ACSF3: variants seen among roughly 807,000 people sequenced by gnomAD.
ACSF3 encodes malonate--CoA ligase ACSF3, mitochondrial.
ACSF3 carries 78 observed loss-of-function variants against 53.2 expected under a neutral mutation model. That is an observed-to-expected ratio of 1.47 (90% CI 1.22 to 1.77). ACSF3 has a LOEUF of 1.77. ACSF3 is among the 40% of genes most tolerant of loss of function. The probability of loss-of-function intolerance (pLI) is 0.00; values close to 1 mark genes in which losing one functional copy is unlikely to be tolerated. For missense variants in ACSF3, 937 were observed against 771.1 expected, an observed-to-expected ratio of 1.22 and a Z score of -2.55; for synonymous variants, 414 against 333.1, an observed-to-expected ratio of 1.24 and a Z score of -2.65.
chr16:89,097,160 G>C (rs1476038526), intron 1 of ACSF3, among the ~76,000 whole-genome samples: 1 of 152,366 alleles, frequency 6.6e-6, no homozygotes, highest in African/African-American at 2.4e-5. Flanking sequence ...TGTGCTCAGC[G>C]TGTGGTTAGC....
At chr16:89,154,021 T>C (rs1914431405) in intron 10 of ACSF3, 69 bp from the exon 11 acceptor site, 1 of 1,519,712 alleles carries the variant, frequency 6.6e-7, no homozygotes, top group African/African-American at 1.4e-5. Context: ...TCCGTACTGC[T>C]GGGCGCCTGA....
rs1015915676 is a variant in ACSF3 at position 89,155,088 on chromosome 16, T to A, written c.*881T>A. Reference sequence around the variant, plus strand: ...CCGATGCAGAAACCTCAGGAAGGTGTGTTGTGAATGTTGGGTGCACCCACG... The same window carrying A: ...CCGATGCAGAAACCTCAGGAAGGTGAGTTGTGAATGTTGGGTGCACCCACG... On this transcript the variant is annotated 3_prime_UTR_variant, in exon 11 of 11. Coordinates refer to ENST00000614302, the MANE Select transcript of ACSF3 (RefSeq NM_001243279.3). The A allele has an allele frequency of 2.2e-6, 1 of 453,848 alleles. No homozygotes were observed. The highest frequency in any genetic ancestry group is 4.4e-6 in the Non-Finnish European group (1 of 226,750). The allele number at this position is 453,848 out of a possible 1,614,324, so 28.1% of individuals were successfully genotyped here. A position where few individuals can be genotyped will look rare whatever the true frequency, so the allele number is the denominator to read the frequency against.
intron 8 of ACSF3, among the ~76,000 whole-genome samples, chr16:89,144,166 C>T (rs1912440627): frequency 6.6e-6 from 1 of 152,236 alleles, no homozygotes; most frequent in African/African-American, 2.4e-5. Context: ...GGAGTACAGG[C>T]TCTGAGGCTG....
intron 7 of ACSF3, among the ~76,000 whole-genome samples, chr16:89,132,742 G>T (rs574965376): frequency 6.6e-6 from 1 of 152,352 alleles, no homozygotes; most frequent in South Asian, 2.1e-4. Context: ...CGCCCCCGAA[G>T]ATGGGATTTG....
At chr16:89,147,860 A>C (rs1166280823) in intron 10 of ACSF3, 4 of 152,208 alleles carry the variant, frequency 2.6e-5, no homozygotes, top group Non-Finnish European at 5.9e-5. Context: ...CACTCATTTC[A>C]GCATTAATTC....
intron 8 of ACSF3, among the ~76,000 whole-genome samples, chr16:89,136,218 C>T (rs1190618226): frequency 2.0e-5 from 3 of 152,236 alleles, no homozygotes; most frequent in East Asian, 1.9e-4. Context: ...GGGCTGCGAG[C>T]GTGGAAACAC....
At chr16:89,148,500 G>T (rs974605531) in intron 10 of ACSF3, 3 of 152,188 alleles carry the variant, frequency 2.0e-5, no homozygotes, top group Admixed American at 6.5e-5. Flanking sequence ...GGGTATCTCT[G>T]CTCCTGTGGC....
chr16:89,148,525 C>A (rs1351314382), intron 10 of ACSF3: 1 of 152,078 alleles, frequency 6.6e-6, no homozygotes, highest in Non-Finnish European at 1.5e-5. Flanking sequence ...TAGGGTACAG[C>A]CCCCATGCTG....
intron 8 of ACSF3, among the ~76,000 whole-genome samples, chr16:89,139,272 C>G (rs1911255495): frequency 6.6e-6 from 1 of 152,184 alleles, no homozygotes; most frequent in Non-Finnish European, 1.5e-5. Context: ...GCCTCCTTCC[C>G]CATCACCACC....
At chr16:89,112,602 TTC>T (rs1358143227) in intron 5 of ACSF3, among the ~76,000 whole-genome samples, 3 of 152,142 alleles carry the variant, frequency 2.0e-5, no homozygotes, top group South Asian at 2.1e-4. Context: ...CATCTCTGTC[TTC>T]TCTCTGTCTC....
chr16:89,141,539 G>A (rs1450002865), intron 8 of ACSF3, among the ~76,000 whole-genome samples: 3 of 152,230 alleles, frequency 2.0e-5, no homozygotes, highest in African/African-American at 7.2e-5. Context: ...GAGGGCCCCG[G>A]CCTAGAGGGG....
intron 7 of ACSF3, among the ~76,000 whole-genome samples, chr16:89,125,068 G>A (rs1195506743): frequency 6.6e-6 from 1 of 152,174 alleles, no homozygotes; most frequent in African/African-American, 2.4e-5. Flanking sequence ...GTCTAGCCGG[G>A]CCTGGTGGCT....
At chr16:89,113,907 G>A (rs979992486) in intron 5 of ACSF3, 7 of 319,910 alleles carry the variant, frequency 2.2e-5, no homozygotes, top group African/African-American at 6.5e-5. Context: ...AAGCTGAGCC[G>A]GCTGTAGTCC....
intron 8 of ACSF3, among the ~76,000 whole-genome samples, chr16:89,144,750 C>A (rs1029765353): frequency 3.9e-5 from 6 of 152,298 alleles, no homozygotes; most frequent in Middle Eastern, 3.4e-3. Flanking sequence ...AGCCAGGAGG[C>A]CCAGCACACC....
chr16:89,115,385 T>C (rs945249118), intron 6 of ACSF3: 4 of 152,296 alleles, frequency 2.6e-5, no homozygotes, highest in Non-Finnish European at 5.9e-5. Flanking sequence ...GGTTTTGCTT[T>C]TTCTGGGAGG....
chr16:89,139,336 G>T (rs944152519), intron 8 of ACSF3, among the ~76,000 whole-genome samples: 1 of 152,136 alleles, frequency 6.6e-6, no homozygotes, highest in African/African-American at 2.4e-5. Flanking sequence ...CAGCATCCTC[G>T]TCTTCCCTCT....
chr16:89,116,670 G>A (rs947726854), intron 6 of ACSF3, among the ~76,000 whole-genome samples: 1 of 152,202 alleles, frequency 6.6e-6, no homozygotes, highest in African/African-American at 2.4e-5. Flanking sequence ...CAGGGCAGTG[G>A]GCGGGTGGGG....
chr16:89,116,205 C>T (rs1479033900), intron 6 of ACSF3, among the ~76,000 whole-genome samples: 1 of 152,226 alleles, frequency 6.6e-6, no homozygotes, highest in Non-Finnish European at 1.5e-5. Context: ...AGACTCCCTT[C>T]TCCATCGAAC....
intron 6 of ACSF3, among the ~76,000 whole-genome samples, chr16:89,117,895 C>T (rs966669668): frequency 3.1e-5 from 2 of 65,444 alleles, no homozygotes; most frequent in Non-Finnish European, 3.7e-5. Context: ...CAGCTACCGA[C>T]GGCAGGTTCC....
Sources: gnomAD v4.1 joint callset for allele counts (sites outside exome capture counted in the v4.1 genomes callset) on GRCh38, gnomAD v4.1.1 for gene constraint, MANE v1.5 for transcripts, NCBI Gene and HGNC (gene_info 2026-07-23, HGNC 2026-07-21) for gene names.